MYRIP: variants seen among roughly 807,000 people sequenced by gnomAD.
MYRIP encodes rab effector MyRIP.
In MYRIP, 49 loss-of-function variants were observed where a neutral mutation model predicts 98.0. The ratio of observed to expected loss-of-function variants is 0.50; its 90% CI spans 0.40 to 0.63. The LOEUF is 0.63. MYRIP is among the 30% of genes least tolerant of loss of function. The pLI, the probability that MYRIP is intolerant of heterozygous loss-of-function variation, is 0.00. For missense variants in MYRIP, 1,004 were observed against 1,058.2 expected (o/e 0.95, Z 0.71); for synonymous variants, 404 against 409.5 (o/e 0.99, Z 0.16).
At chr3:39,819,943 G>A (rs1941054069) in intron 1 of MYRIP, among the ~76,000 whole-genome samples, 1 of 152,106 alleles carries the variant, frequency 6.6e-6, no homozygotes, top group Non-Finnish European at 1.5e-5. Flanking sequence ...AACATCATCT[G>A]GGGCAAGAAA....
intron 2 of MYRIP, among the ~76,000 whole-genome samples, chr3:39,905,766 T>C (rs1486789113): frequency 3.3e-5 from 5 of 152,234 alleles, no homozygotes; most frequent in African/African-American, 1.2e-4. Context: ...ATTAACATTG[T>C]TTACCGCTAC....
chr3:40,073,901 C>A (rs573692538), intron 3 of MYRIP, among the ~76,000 whole-genome samples: 1 of 152,208 alleles, frequency 6.6e-6, no homozygotes, highest in Non-Finnish European at 1.5e-5. Context: ...CCTTTCAATT[C>A]TACTCTCTAC....
intron 2 of MYRIP, among the ~76,000 whole-genome samples, chr3:39,909,009 G>GT (rs537819941): frequency 3.2e-4 from 49 of 152,310 alleles, no homozygotes; most frequent in African/African-American, 1.2e-3. Flanking sequence ...ATGCTCCAAG[G>GT]TAGTTCCTTC....
intron 3 of MYRIP, among the ~76,000 whole-genome samples, chr3:40,147,391 G>A (rs901188420): frequency 2.0e-5 from 3 of 152,030 alleles, no homozygotes; most frequent in African/African-American, 7.2e-5. Flanking sequence ...ACTTCTATCA[G>A]GCTATCAATG....
At chr3:40,202,237 A>G (rs1225270833) in intron 10 of MYRIP, among the ~76,000 whole-genome samples, 4 of 152,298 alleles carry the variant, frequency 2.6e-5, no homozygotes, top group Middle Eastern at 6.8e-3. Context: ...GTTATCCTTT[A>G]TCTGGACTCT....
At chr3:40,024,360 C>T (rs1387655904) in intron 2 of MYRIP, among the ~76,000 whole-genome samples, 2 of 152,062 alleles carry the variant, frequency 1.3e-5, no homozygotes, top group East Asian at 3.9e-4. Context: ...CTGCCCTGAG[C>T]TACCATGAGA....
At position 40,167,177 on chromosome 3, in the gene MYRIP, A is replaced by T. The variant is rs778133010; in HGVS notation, c.667A>T (p.Ser223Cys). The T allele has an allele frequency of 6.2e-7, 1 of 1,614,210 alleles. No individual in the cohort carries two copies. The highest frequency in any genetic ancestry group is 1.1e-5 in the South Asian group (1 of 91,086). ...GDSLDKQNEA[S>C]YLRDHKEELT... is the part of the protein sequence containing the mutation. Reference sequence around the variant, plus strand: ...TCCTCAGGACAAGCAAAATGAGGCCAGTTACCTGCGGGACCACAAGGAGGA... The same window carrying T: ...TCCTCAGGACAAGCAAAATGAGGCCTGTTACCTGCGGGACCACAAGGAGGA... The change falls in exon 7 of 17, where the codon AGT becomes TGT. Residue 223 changes from serine to cysteine, a missense_variant. Transcript: ENST00000302541.
At chr3:40,166,411 G>A (rs773318322) in intron 5 of MYRIP, among the ~76,000 whole-genome samples, 1 of 152,176 alleles carries the variant, frequency 6.6e-6, no homozygotes. Context: ...CTTGCTCTGT[G>A]AAAATGACCT....
chr3:40,202,054 G>T (rs1043760564), intron 10 of MYRIP, among the ~76,000 whole-genome samples: 4 of 152,114 alleles, frequency 2.6e-5, no homozygotes, highest in Non-Finnish European at 4.4e-5. Flanking sequence ...CCCTAGAGTC[G>T]TTTAACCTAT....
rs189276663 is a variant in MYRIP, at chr3:40,141,479, T to A, written c.333-9569T>A. 1.1e-4 allele frequency among the ~76,000 whole-genome samples: 16 copies of A among 152,360 alleles called. No homozygotes were observed. In the East Asian group the frequency reaches 2.5e-3, roughly 24 times the overall value. ...TTGCATTTGTTTATTTTTGCTTTTG[T>A]TGCCTGTGCTTTTGAGGCCTTATTT... On this transcript the variant is annotated intron_variant, in intron 3 of 16. Transcript: ENST00000302541.
rs369683234 is a variant in MYRIP, at chr3:40,038,861, A to G, written c.111-5189A>G. ...CAAGGTGACTCCTACATATGCAGCC[A>G]TTTTTTACCAGTTAGGTCGCAGCTT... On this transcript the variant is annotated intron_variant, in intron 2 of 16. Coordinates refer to ENST00000302541, the MANE Select transcript of MYRIP (RefSeq NM_015460.4). 9.2e-4 allele frequency among the ~76,000 whole-genome samples: 140 copies of G among 152,092 alleles called. 2 individuals are homozygous for G. In the South Asian group the frequency reaches 0.028, roughly 31 times the overall value.
chr3:39,817,330 A>G (rs1940954865), intron 1 of MYRIP, among the ~76,000 whole-genome samples: 1 of 152,156 alleles, frequency 6.6e-6, no homozygotes, highest in South Asian at 2.1e-4. Context: ...TCCTCAAATA[A>G]TTTTGCTCAA....
At chr3:40,079,595 A>C (rs989493124) in intron 3 of MYRIP, among the ~76,000 whole-genome samples, 14 of 152,236 alleles carry the variant, frequency 9.2e-5, no homozygotes, top group Admixed American at 6.5e-4. Context: ...GAAAGCAATG[A>C]ATGTCGAAGT....
chr3:39,908,018 G>A lies in MYRIP; in HGVS notation c.110+7092G>A, dbSNP rs566500223. On this transcript the variant is annotated intron_variant, in intron 2 of 16. Coordinates refer to ENST00000302541, the MANE Select transcript of MYRIP (RefSeq NM_015460.4). Reference sequence around the variant, plus strand: ...CAAACTGAGTCTTGGAGTCATTGATGAGATAGCCACAGGCTTTAAAATTTC... The same window carrying A: ...CAAACTGAGTCTTGGAGTCATTGATAAGATAGCCACAGGCTTTAAAATTTC... Among the ~76,000 whole-genome samples the A allele has an allele frequency of 8.5e-5, 13 of 152,334 alleles. No individual in the cohort carries two copies. The East Asian group carries it at 2.1e-3, about 25-fold the overall frequency.
chr3:40,107,145 T>C (rs1365612938), intron 3 of MYRIP, among the ~76,000 whole-genome samples: 2 of 152,214 alleles, frequency 1.3e-5, no homozygotes, highest in Admixed American at 6.5e-5. Context: ...TGGCTACATA[T>C]TGACCTATTC....
At chr3:40,162,258 G>C (rs1421073833) in intron 4 of MYRIP, among the ~76,000 whole-genome samples, 2 of 152,112 alleles carry the variant, frequency 1.3e-5, no homozygotes, top group African/African-American at 2.4e-5. Context: ...ATGCTTGTCA[G>C]GGTGGGGTGG....
At chr3:40,151,282 C>A in intron 4 of MYRIP, 98 bp downstream of exon 4, 2 of 1,313,692 alleles carry the variant, frequency 1.5e-6, no homozygotes, top group Non-Finnish European at 2.0e-6. Context: ...TCACCTGGGA[C>A]AGATAAATTT....
At chr3:40,192,292 C>T (rs920480072) in intron 10 of MYRIP, among the ~76,000 whole-genome samples, 6 of 13,094 alleles carry the variant, frequency 4.6e-4, no homozygotes, top group African/African-American at 1.4e-3. Context: ...TCATTTACTG[C>T]GGCAGTTAGT....
chr3:40,098,740 TTGTGTGTGTGTG>T (rs3063561), intron 3 of MYRIP, among the ~76,000 whole-genome samples: 3 of 135,184 alleles, frequency 2.2e-5, no homozygotes, highest in African/African-American at 5.6e-5. Flanking sequence ...GTCTCTCTCA[TTGTGTGTGTGTG>T]TGTGTGTGTG....
Sources: allele counts gnomAD v4.1 joint callset (sites outside exome capture counted in the v4.1 genomes callset), GRCh38; gene constraint gnomAD v4.1.1; transcripts MANE v1.5; gene names NCBI Gene and HGNC (gene_info 2026-07-23, HGNC 2026-07-21).